RABGAP1L: variants seen among roughly 807,000 people sequenced by gnomAD.
RABGAP1L encodes the protein rab GTPase-activating protein 1-like.
Under a neutral mutation model 137.7 loss-of-function variants are expected in RABGAP1L, and 63 were observed. The observed-to-expected ratio is 0.46, with a 90% CI of 0.37 to 0.56. The LOEUF (loss-of-function observed/expected upper bound fraction) is 0.56. Among genes scored for constraint, RABGAP1L ranks in the 20% least tolerant of loss-of-function variants. The pLI, the probability that RABGAP1L is intolerant of heterozygous loss-of-function variation, is 0.00. For synonymous variants in RABGAP1L, 431 were observed against 433.7 expected (o/e 0.99, Z 0.08); for missense variants, 1,095 against 1,244.0 (o/e 0.88, Z 1.80).
chr1:174,347,638 A>G (rs1051469841), intron 11 of RABGAP1L, among the ~76,000 whole-genome samples: 1 of 151,634 alleles, frequency 6.6e-6, no homozygotes, highest in African/African-American at 2.4e-5. Flanking sequence ...GACTACAGGC[A>G]CCCGCCTCCA....
At chr1:174,194,017 CG>C (rs1235127394) in intron 1 of RABGAP1L, among the ~76,000 whole-genome samples, 152 of 152,156 alleles carry the variant, frequency 1.0e-3, no homozygotes, top group African/African-American at 3.4e-3. Flanking sequence ...GACCAAGTTA[CG>C]TGTTCAGGGT....
At chr1:174,385,695 A>G (rs1201952268) in intron 12 of RABGAP1L, among the ~76,000 whole-genome samples, 2 of 152,208 alleles carry the variant, frequency 1.3e-5, no homozygotes, top group African/African-American at 2.4e-5. Flanking sequence ...GAGAATCAAG[A>G]TAGAAATCCA....
At chr1:174,968,719 A>T (rs1237886288) in intron 20 of RABGAP1L, among the ~76,000 whole-genome samples, 3 of 152,184 alleles carry the variant, frequency 2.0e-5, no homozygotes, top group African/African-American at 7.2e-5. Flanking sequence ...AGAAAAGTAA[A>T]TATATTCTTA....
At chr1:174,487,066 C>T (rs1659742644) in intron 13 of RABGAP1L, among the ~76,000 whole-genome samples, 1 of 151,892 alleles carries the variant, frequency 6.6e-6, no homozygotes, top group South Asian at 2.1e-4. Flanking sequence ...TGAAATTGAT[C>T]CATGTGCTGA....
intron 14 of RABGAP1L, among the ~76,000 whole-genome samples, chr1:174,667,936 T>G (rs1185557453): frequency 6.6e-6 from 1 of 152,182 alleles, no homozygotes; most frequent in Non-Finnish European, 1.5e-5. Flanking sequence ...CAGTAAATAC[T>G]CAATTGCTGA....
At chr1:174,567,129 T>C (rs1667640454) in intron 13 of RABGAP1L, among the ~76,000 whole-genome samples, 1 of 152,138 alleles carries the variant, frequency 6.6e-6, no homozygotes, top group Admixed American at 6.6e-5. Context: ...TCCAACACTT[T>C]ATCATTATCC....
intron 14 of RABGAP1L, among the ~76,000 whole-genome samples, chr1:174,637,934 T>G (rs1446991857): frequency 6.6e-6 from 1 of 152,236 alleles, no homozygotes; most frequent in Admixed American, 6.5e-5. Flanking sequence ...ATCATATATT[T>G]TTGTACGGTT....
intron 13 of RABGAP1L, among the ~76,000 whole-genome samples, chr1:174,478,121 A>G (rs924143734): frequency 3.9e-5 from 6 of 151,978 alleles, no homozygotes; most frequent in Admixed American, 1.3e-4. Context: ...ATTACCTTCT[A>G]TTTTCCCCGT....
At chr1:174,395,530 A>T (rs1356055457) in intron 13 of RABGAP1L, among the ~76,000 whole-genome samples, 1 of 152,150 alleles carries the variant, frequency 6.6e-6, no homozygotes, top group Non-Finnish European at 1.5e-5. Flanking sequence ...GATTTTTTTC[A>T]TTGAAATAAC....
chr1:174,471,844 A>T (rs1394226572), intron 13 of RABGAP1L, among the ~76,000 whole-genome samples: 1 of 152,198 alleles, frequency 6.6e-6, no homozygotes, highest in Non-Finnish European at 1.5e-5. Context: ...CATAATCCCC[A>T]ATATGACTAT....
intron 18 of RABGAP1L, chr1:174,800,024 G>T (rs940248124): frequency 1.8e-6 from 2 of 1,138,118 alleles, no homozygotes; most frequent in East Asian, 5.8e-5. Context: ...CAGCTTGTCC[G>T]TTTTTACACA....
intron 13 of RABGAP1L, among the ~76,000 whole-genome samples, chr1:174,571,705 A>G (rs955547317): frequency 6.6e-6 from 1 of 152,216 alleles, no homozygotes; most frequent in African/African-American, 2.4e-5. Flanking sequence ...AGCTCTTCAG[A>G]CAAGAGCTTC....
chr1:174,658,723 AC>A (rs1297682103), intron 14 of RABGAP1L, among the ~76,000 whole-genome samples: 2 of 151,952 alleles, frequency 1.3e-5, no homozygotes, highest in Non-Finnish European at 2.9e-5. Flanking sequence ...ACACCAGGCC[AC>A]CCCTGTGTGA....
intron 13 of RABGAP1L, among the ~76,000 whole-genome samples, chr1:174,444,862 G>A (rs1262806099): frequency 2.6e-5 from 4 of 151,714 alleles, no homozygotes; most frequent in Non-Finnish European, 5.9e-5. Context: ...TGTTGATTTT[G>A]TTTATCTTTT....
chr1:174,232,078 T>G (rs1670710341), intron 4 of RABGAP1L, among the ~76,000 whole-genome samples: 1 of 152,008 alleles, frequency 6.6e-6, no homozygotes. Flanking sequence ...TCTGAAGTAA[T>G]AGTGGTTGAA....
intron 10 of RABGAP1L, among the ~76,000 whole-genome samples, chr1:174,285,170 C>G (rs562288777): frequency 6.6e-6 from 1 of 152,216 alleles, no homozygotes; most frequent in South Asian, 2.1e-4. Context: ...GTGCTTGCCA[C>G]CACGCCCGGC....
chr1:174,413,237 A>G (rs568028111), intron 13 of RABGAP1L, among the ~76,000 whole-genome samples: 2 of 152,206 alleles, frequency 1.3e-5, no homozygotes, highest in South Asian at 4.1e-4. Context: ...TTTCCTCAAC[A>G]TGGTCTCTTC....
chr1:174,957,973 G>C, intron 20 of RABGAP1L: 1 of 1,570,120 alleles, frequency 6.4e-7, no homozygotes, highest in East Asian at 2.2e-5. Context: ...AGGGGAAAAA[G>C]AAAGTGGCTT....
At chr1:174,573,220 A>G (rs1487053489) in intron 13 of RABGAP1L, among the ~76,000 whole-genome samples, 2 of 145,170 alleles carry the variant, frequency 1.4e-5, no homozygotes, top group Non-Finnish European at 3.1e-5. Context: ...ACATATATAC[A>G]CACTATATAT....
Sources: gnomAD v4.1 joint callset for allele counts (sites outside exome capture counted in the v4.1 genomes callset) on GRCh38, gnomAD v4.1.1 for gene constraint, MANE v1.5 for transcripts, NCBI Gene and HGNC (gene_info 2026-07-23, HGNC 2026-07-21) for gene names.